The following SGCD variants were observed in gnomAD, a reference collection of about 807,000 sequenced individuals.
The protein encoded by SGCD is sarcoglycan delta.
In SGCD, 18 loss-of-function variants were observed where a neutral mutation model predicts 36.6. That is an observed-to-expected ratio of 0.49 (90% CI 0.34 to 0.73). SGCD has a LOEUF of 0.73. Ranked by LOEUF, SGCD falls within the 30% of genes least tolerant of loss-of-function variation. The pLI, the probability that SGCD is intolerant of heterozygous loss-of-function variation, is 0.01. For synonymous variants in SGCD, 133 were observed against 130.6 expected (o/e 1.02, Z -0.12); for missense variants, 387 against 346.7 (o/e 1.12, Z -0.92).
intron 1 of SGCD, among the ~76,000 whole-genome samples, chr5:155,926,498 G>A (rs2113383436): frequency 6.6e-6 from 1 of 152,044 alleles, no homozygotes; most frequent in South Asian, 2.1e-4. Context: ...TTATATTGGT[G>A]GAACAAATAG....
intron 1 of SGCD, among the ~76,000 whole-genome samples, chr5:155,956,804 C>CT (rs911918175): frequency 1.3e-5 from 2 of 150,590 alleles, no homozygotes; most frequent in African/African-American, 4.9e-5. Flanking sequence ...AGGGCCCCCC[C>CT]CCCCGGTTAA....
At chr5:155,981,555 A>G (rs17053093) in intron 1 of SGCD, among the ~76,000 whole-genome samples, 12,254 of 152,194 alleles carry the variant, frequency 0.081, 635 homozygotes, top group South Asian at 0.14. Flanking sequence ...GGTGGCCCCA[A>G]TGTTCATGCC....
chr5:156,636,233 A>G (rs971867677), intron 6 of SGCD, among the ~76,000 whole-genome samples: 1 of 152,190 alleles, frequency 6.6e-6, no homozygotes, highest in African/African-American at 2.4e-5. Context: ...TTACTTACTT[A>G]CTACTTACTG....
intron 7 of SGCD, among the ~76,000 whole-genome samples, chr5:156,685,797 G>A (rs1223829780): frequency 6.6e-6 from 1 of 152,178 alleles, no homozygotes; most frequent in Non-Finnish European, 1.5e-5. Flanking sequence ...GTTCTTTTAT[G>A]CCATGAGGCC....
At chr5:156,512,249 C>A (rs537008021) in intron 4 of SGCD, among the ~76,000 whole-genome samples, 1 of 149,302 alleles carries the variant, frequency 6.7e-6, no homozygotes, top group East Asian at 2.0e-4. Flanking sequence ...ATTTTCCATG[C>A]ATATGTATTT....
rs78898556 is a variant in SGCD at position 155,914,597 on chromosome 5, C to G, written c.-282+44173C>G. 1.4e-3 allele frequency among the ~76,000 whole-genome samples: 212 copies of G among 152,294 alleles called. 2 individuals are homozygous for G. The highest frequency in any genetic ancestry group is 5.0e-3 in the African/African-American group (208 of 41,568). Reference sequence around the variant, plus strand: ...TGAACATGATAATTCAATGGCTAACCTATTTTCTGCTGTATACCTTTATGT... The same window carrying G: ...TGAACATGATAATTCAATGGCTAACGTATTTTCTGCTGTATACCTTTATGT... On this transcript the variant is annotated intron_variant, in intron 1 of 9. Transcript: ENST00000517913.
rs373617262 is a variant in SGCD, at chr5:156,296,065, C to T, written c.-43-33469C>T. On this transcript the variant is annotated intron_variant, in intron 3 of 9. Transcript: ENST00000517913. ...GCATCTGTTGGGGTCTAAGGCATTG[C>T]TCAAACTGATTTCTCATGGGGCATA... Among the ~76,000 whole-genome samples, 5 of 152,260 alleles carry T rather than the reference C, an allele frequency of 3.3e-5. No individual in the cohort carries two copies. The East Asian group carries it at 5.8e-4, about 18-fold the overall frequency.
chr5:156,428,937 C>G (rs1022071224), intron 3 of SGCD, among the ~76,000 whole-genome samples: 4 of 151,866 alleles, frequency 2.6e-5, no homozygotes, highest in African/African-American at 9.7e-5. Context: ...TTTATTGAGT[C>G]TTTTTTTGTG....
intron 6 of SGCD, among the ~76,000 whole-genome samples, chr5:156,616,979 A>C (rs990197965): frequency 6.6e-6 from 1 of 152,248 alleles, no homozygotes; most frequent in Non-Finnish European, 1.5e-5. Context: ...TTTACAAAAA[A>C]AAAGTTTGCC....
chr5:156,628,186 GA>G (rs1241167694), intron 6 of SGCD, among the ~76,000 whole-genome samples: 1 of 152,134 alleles, frequency 6.6e-6, no homozygotes, highest in Non-Finnish European at 1.5e-5. Context: ...TCACTGTCAT[GA>G]AGACAGTACA....
At chr5:156,331,460 A>G (rs1354986373) in intron 2 of SGCD, among the ~76,000 whole-genome samples, 1 of 152,212 alleles carries the variant, frequency 6.6e-6, no homozygotes, top group East Asian at 1.9e-4. Context: ...CAGGATGTGT[A>G]GGAGGATATG....
intron 3 of SGCD, among the ~76,000 whole-genome samples, chr5:156,415,708 T>G (rs1276472438): frequency 6.6e-6 from 1 of 152,172 alleles, no homozygotes; most frequent in Non-Finnish European, 1.5e-5. Context: ...TCTTAGGTAT[T>G]CAATGGCCTG....
chr5:156,573,720 G>T (rs924616674), intron 4 of SGCD, among the ~76,000 whole-genome samples: 1 of 152,002 alleles, frequency 6.6e-6, no homozygotes, highest in Non-Finnish European at 1.5e-5. Context: ...GAGATGGGGG[G>T]TCTCACTCTA....
At chr5:155,730,344 A>T in the SGCD span, among the ~76,000 whole-genome samples, 2 of 151,920 alleles carry the variant, frequency 1.3e-5, no homozygotes, top group Non-Finnish European at 2.9e-5. Context: ...CGGCTTACTC[A>T]TTTGTAGGTT....
In SGCD at chr5:156,764,841, C is replaced by T. The variant is rs539754906; in HGVS notation, c.*5451C>T. 8 of 152,364 alleles carry T rather than the reference C, an allele frequency of 5.3e-5. No homozygotes were observed. The South Asian group carries it at 8.3e-4, about 16-fold the overall frequency. The allele number at this position is 152,364 out of a possible 1,614,324, so 9.4% of individuals were successfully genotyped here. A position where few individuals can be genotyped will look rare whatever the true frequency, so the allele number is the denominator to read the frequency against. On this transcript the variant is annotated 3_prime_UTR_variant, in exon 9 of 9. Coordinates refer to ENST00000337851, the MANE Select transcript of SGCD (RefSeq NM_000337.6). ...TCCAACAACAGTGCTCACTGCTGCT[C>T]CTCAACTTCAGCCCAGCAAGCAGTA...
intron 1 of SGCD, among the ~76,000 whole-genome samples, chr5:155,987,877 T>C (rs1164482391): frequency 6.6e-6 from 1 of 152,184 alleles, no homozygotes; most frequent in Non-Finnish European, 1.5e-5. Flanking sequence ...TTTAAATATG[T>C]ATTATTCATA....
chr5:156,158,821 C>T (rs181923970), intron 3 of SGCD, among the ~76,000 whole-genome samples: 112 of 151,560 alleles, frequency 7.4e-4, no homozygotes, highest in Non-Finnish European at 5.6e-4. Context: ...AAAAAAATCA[C>T]ACAGCATACT....
chr5:156,449,032 G>A (rs993366913), intron 3 of SGCD, among the ~76,000 whole-genome samples: 14 of 152,092 alleles, frequency 9.2e-5, no homozygotes, highest in African/African-American at 3.4e-4. Context: ...GGGATTACAC[G>A]AATGAGCCAC....
chr5:156,372,328 G>A (rs1003628835), intron 3 of SGCD, among the ~76,000 whole-genome samples: 1 of 152,102 alleles, frequency 6.6e-6, no homozygotes, highest in African/African-American at 2.4e-5. Context: ...TTTTACTTTG[G>A]TGCAGCTTTT....
Sources: gnomAD v4.1 joint callset for allele counts (sites outside exome capture counted in the v4.1 genomes callset) on GRCh38, gnomAD v4.1.1 for gene constraint, MANE v1.5 for transcripts, NCBI Gene and HGNC (gene_info 2026-07-23, HGNC 2026-07-21) for gene names.